ROBO2: variants seen among roughly 807,000 people sequenced by gnomAD.
ROBO2 encodes roundabout guidance receptor 2.
Under a neutral mutation model 160.8 loss-of-function variants are expected in ROBO2, and 53 were observed. The ratio of observed to expected loss-of-function variants is 0.33; its 90% CI spans 0.26 to 0.41. The LOEUF (loss-of-function observed/expected upper bound fraction) is 0.41. Among genes scored for constraint, ROBO2 ranks in the 10% least tolerant of loss-of-function variants. ROBO2 has a pLI of 1.00. For missense variants in ROBO2, 1,577 were observed against 1,722.4 expected, an observed-to-expected ratio of 0.92 and a Z score of 1.49; for synonymous variants, 664 against 611.7, an observed-to-expected ratio of 1.09 and a Z score of -1.26.
intron 2 of ROBO2, among the ~76,000 whole-genome samples, chr3:76,496,170 G>T (rs916297829): frequency 1.1e-4 from 16 of 152,040 alleles, no homozygotes; most frequent in African/African-American, 3.9e-4. Flanking sequence ...AACATGTCTG[G>T]CATACTACCC....
chr3:75,920,379 C>T (rs1039204393), intron 1 of ROBO2, among the ~76,000 whole-genome samples: 8 of 152,146 alleles, frequency 5.3e-5, no homozygotes, highest in African/African-American at 1.9e-4. Context: ...TTTGATTACA[C>T]TTTGGTTTGA....
intron 2 of ROBO2, among the ~76,000 whole-genome samples, chr3:77,188,144 T>G (rs979525160): frequency 6.6e-6 from 1 of 151,904 alleles, no homozygotes; most frequent in Non-Finnish European, 1.5e-5. Context: ...TTCTGAATTA[T>G]CAGTGTTACT....
chr3:77,179,282 T>C (rs990436552), intron 2 of ROBO2, among the ~76,000 whole-genome samples: 1 of 151,914 alleles, frequency 6.6e-6, no homozygotes, highest in African/African-American at 2.4e-5. Flanking sequence ...GGAGATTGAA[T>C]TGCTATAGGC....
At chr3:76,603,584 T>A (rs1437207591) in intron 2 of ROBO2, among the ~76,000 whole-genome samples, 1 of 151,804 alleles carries the variant, frequency 6.6e-6, no homozygotes, top group Non-Finnish European at 1.5e-5. Flanking sequence ...GGCTTGAAGT[T>A]TTTTTTCCAA....
At position 76,830,811 on chromosome 3, in the gene ROBO2, T is replaced by TAAAA. The variant is rs10666160; in HGVS notation, c.110-267188_110-267185dup. Among the ~76,000 whole-genome samples the TAAAA allele has an allele frequency of 4.5e-5, 6 of 132,512 alleles. No homozygotes were observed. In the East Asian group the frequency reaches 6.8e-4, roughly 15 times the overall value. The allele number at this position is 132,512 out of a possible 152,430, so 86.9% of individuals were successfully genotyped here. ...GGGCAACAAAGCAAGACCTCATTTC[T>TAAAA]AAAAAAAAAAAAAAAAAAGTTCTTT... On this transcript the variant is annotated intron_variant, in intron 2 of 26. Transcript: ENST00000487694.
At chr3:77,076,452 T>A (rs2068015276) in intron 1 of ROBO2, among the ~76,000 whole-genome samples, 1 of 152,136 alleles carries the variant, frequency 6.6e-6, no homozygotes, top group African/African-American at 2.4e-5. Context: ...TTAAAGTTTG[T>A]GTTTTTAAGC....
At chr3:77,387,005 A>T (rs1043211975) in intron 2 of ROBO2, among the ~76,000 whole-genome samples, 2 of 152,020 alleles carry the variant, frequency 1.3e-5, no homozygotes, top group Non-Finnish European at 2.9e-5. Flanking sequence ...GAGAAAAAGA[A>T]TGCTCTTGTC....
intron 2 of ROBO2, among the ~76,000 whole-genome samples, chr3:76,570,489 A>G (rs906462309): frequency 1.3e-5 from 2 of 152,224 alleles, no homozygotes; most frequent in African/African-American, 4.8e-5. Context: ...AAATGAGCAA[A>G]ACATATTAAC....
chr3:76,399,608 A>G (rs1303482853), intron 2 of ROBO2, among the ~76,000 whole-genome samples: 1 of 151,756 alleles, frequency 6.6e-6, no homozygotes, highest in Non-Finnish European at 1.5e-5. Context: ...AAAATAGTTC[A>G]GAGTGGAAAA....
Position 77,410,460 on chromosome 3 carries a change from C to G in ROBO2, c.389-66954C>G, listed in dbSNP as rs185131110. ...AGTGTTCCATAATTTGCAATATCCT[C>G]TCCTCCTCCTTCCCCTTCTCCCTCT... On this transcript the variant is annotated intron_variant, in intron 2 of 25. Coordinates refer to ENST00000461745, the Ensembl canonical transcript of ROBO2. Among the ~76,000 whole-genome samples, 369 of 151,478 alleles carry G rather than the reference C, an allele frequency of 2.4e-3. 2 individuals carry two copies. Among genetic ancestry groups the G allele is most frequent in the African/African-American group, 8.7e-3 (355 of 41,026 alleles).
chr3:76,304,201 C>T (rs2071212333), intron 2 of ROBO2, among the ~76,000 whole-genome samples: 3 of 152,114 alleles, frequency 2.0e-5, no homozygotes, highest in African/African-American at 7.2e-5. Flanking sequence ...AAAAAACAAG[C>T]AATGTTTCTC....
chr3:77,160,563 A>G (rs190507359), intron 2 of ROBO2, among the ~76,000 whole-genome samples: 84 of 152,292 alleles, frequency 5.5e-4, no homozygotes, highest in African/African-American at 1.9e-3. Flanking sequence ...AAAAGGAGTC[A>G]AGTTATTTCT....
At chr3:76,603,340 AAAAAAAAAAAAATATATAT>A (rs1311621049) in intron 2 of ROBO2, among the ~76,000 whole-genome samples, 1 of 52,040 alleles carries the variant, frequency 1.9e-5, no homozygotes, top group Non-Finnish European at 3.8e-5. Context: ...TCCAAAAAAA[AAAAAAAAAAAAATATATAT>A]ATATATATAT....
chr3:76,424,740 T>A (rs2076142099), intron 2 of ROBO2, among the ~76,000 whole-genome samples: 1 of 152,192 alleles, frequency 6.6e-6, no homozygotes, highest in African/African-American at 2.4e-5. Flanking sequence ...TCGAAAGTGA[T>A]GATACTATGA....
At chr3:77,152,952 CA>C (rs1032385578) in intron 2 of ROBO2, among the ~76,000 whole-genome samples, 1 of 152,156 alleles carries the variant, frequency 6.6e-6, no homozygotes, top group African/African-American at 2.4e-5. Flanking sequence ...CAGTGACTGA[CA>C]ACCACTGATC....
intron 2 of ROBO2, among the ~76,000 whole-genome samples, chr3:77,325,415 C>T (rs1211991578): frequency 6.6e-5 from 10 of 152,306 alleles, no homozygotes; most frequent in Non-Finnish European, 1.5e-4. Flanking sequence ...GGGGATTTGA[C>T]AACTCTGCCA....
intron 2 of ROBO2, among the ~76,000 whole-genome samples, chr3:76,291,263 T>C (rs1487662856): frequency 6.6e-6 from 1 of 152,150 alleles, no homozygotes; most frequent in African/African-American, 2.4e-5. Context: ...GTCTTTTTCA[T>C]TGAATTTTGG....
intron 2 of ROBO2, among the ~76,000 whole-genome samples, chr3:77,443,034 G>A (rs899044124): frequency 2.6e-5 from 4 of 152,170 alleles, no homozygotes; most frequent in African/African-American, 9.7e-5. Flanking sequence ...TATAAAAATA[G>A]TTGAAAACCA....
chr3:76,167,784 G>A (rs574819851), intron 2 of ROBO2, among the ~76,000 whole-genome samples: 9 of 152,166 alleles, frequency 5.9e-5, no homozygotes, highest in African/African-American at 2.2e-4. Flanking sequence ...TTAAAATATT[G>A]CTTAATAACA....
Sources: gnomAD v4.1 joint callset for allele counts (sites outside exome capture counted in the v4.1 genomes callset) on GRCh38, gnomAD v4.1.1 for gene constraint, MANE v1.5 for transcripts, NCBI Gene and HGNC (gene_info 2026-07-23, HGNC 2026-07-21) for gene names.